TSHZ3: variants seen among roughly 807,000 people sequenced by gnomAD.
The protein encoded by TSHZ3 is teashirt zinc finger homeobox 3.
TSHZ3 carries 10 observed loss-of-function variants against 64.5 expected under a neutral mutation model. The observed-to-expected ratio is 0.16, with a 90% CI of 0.10 to 0.26. The LOEUF (loss-of-function observed/expected upper bound fraction) is 0.26, where lower values mean the gene tolerates loss of function less well. TSHZ3 is among the 10% of genes least tolerant of loss of function. The pLI is 1.00. For missense variants in TSHZ3, 1,242 were observed against 1,421.7 expected, an observed-to-expected ratio of 0.87 and a Z score of 2.03; for synonymous variants, 608 against 593.1, an observed-to-expected ratio of 1.03 and a Z score of -0.36.
Position 31,278,444 on chromosome 19 carries a change from G to A in TSHZ3, c.1349C>T (p.Thr450Ile). Reference sequence around the variant, plus strand: ...TGTATTGGAGGGGGACGTGAAGGTGGTGGCTGCCAGGGGCACGGACTGGAC... The same window carrying A: ...TGTATTGGAGGGGGACGTGAAGGTGATGGCTGCCAGGGGCACGGACTGGAC... ...EKVQSVPLAATTFTSPSNTPA... is the reference protein window; with the variant it reads ...EKVQSVPLAAITFTSPSNTPA... The change falls in exon 2 of 2, where the codon ACC becomes ATC. Residue 450 changes from threonine (T) to isoleucine (I), a missense_variant. Physicochemically the swap from Thr to Ile is moderately conservative, Grantham distance 89 (BLOSUM62 -1). Around this residue, in one of 4 missense-constraint regions of TSHZ3, gnomAD observed 555 missense variants for 704.0 expected, o/e 0.79. Coordinates refer to ENST00000240587, the MANE Select transcript of TSHZ3 (RefSeq NM_020856.4). The surrounding 1 kb of genome is among the most constrained non-coding windows in gnomAD (Gnocchi z 4.7). The A allele has an allele frequency of 6.2e-7, 1 of 1,614,180 alleles. No homozygotes were observed. The highest frequency in any genetic ancestry group is 1.1e-5 in the South Asian group (1 of 91,084).
chr19:31,183,058 T>C (rs992056169), intron 5 of TSHZ3, among the ~76,000 whole-genome samples: 1 of 152,168 alleles, frequency 6.6e-6, no homozygotes, highest in South Asian at 2.1e-4. Flanking sequence ...ATTCTGCTAG[T>C]AGATTGCCTT....
intron 1 of TSHZ3, among the ~76,000 whole-genome samples, chr19:31,324,828 T>TG (rs1916885400): frequency 6.6e-6 from 1 of 152,112 alleles, no homozygotes; most frequent in Non-Finnish European, 1.5e-5. Flanking sequence ...ACAGTGATTT[T>TG]TTTTTTATTT....
intron 1 of TSHZ3, 45 bp downstream of exon 1, chr19:31,349,135 A>G: frequency 2.0e-6 from 3 of 1,532,850 alleles, no homozygotes; most frequent in Non-Finnish European, 2.6e-6. Flanking sequence ...GGGCGAGCGG[A>G]GGAAGAGGAG....
intron 4 of TSHZ3, among the ~76,000 whole-genome samples, chr19:31,225,963 C>A (rs1381092477): frequency 6.6e-6 from 1 of 151,946 alleles, no homozygotes; most frequent in East Asian, 1.9e-4. Flanking sequence ...CCTGCCTTTA[C>A]TAAAAATACA....
At chr19:31,173,412 TAGTGTTTAACTC>T (rs1974563885) in intron 5 of TSHZ3, among the ~76,000 whole-genome samples, 1 of 152,184 alleles carries the variant, frequency 6.6e-6, no homozygotes, top group African/African-American at 2.4e-5. Flanking sequence ...TGCTTACCTA[TAGTGTTTAACTC>T]AGTACAAAAG....
At chr19:31,343,225 A>C (rs1465465034) in intron 1 of TSHZ3, among the ~76,000 whole-genome samples, 1 of 152,242 alleles carries the variant, frequency 6.6e-6, no homozygotes, top group Admixed American at 6.5e-5. Context: ...GACAGTATGA[A>C]TTAATAATTT....
chr19:31,348,020 A>G (rs1362872984), intron 1 of TSHZ3, among the ~76,000 whole-genome samples: 6 of 152,178 alleles, frequency 3.9e-5, no homozygotes, highest in Non-Finnish European at 8.8e-5. Context: ...AAAAGAAAGG[A>G]AGAGAAAAGA....
At position 31,188,821 on chromosome 19, in the gene TSHZ3, T is replaced by C. The variant is rs532165536; in HGVS notation, n.809+16135A>G. Among the ~76,000 whole-genome samples the C allele has an allele frequency of 7.9e-5, 12 of 152,076 alleles. No homozygotes were observed. The South Asian group carries it at 2.3e-3, about 29-fold the overall frequency. ...TAGGTTCATCAAAACAGGGGTGATG[T>C]GTTCCTTTCTTCTCTATTTTCTGAA... is the stretch of plus-strand genomic sequence containing the variant. On this transcript the variant is annotated intron_variant and non_coding_transcript_variant, in intron 5 of 6. Coordinates refer to the TSHZ3 transcript ENST00000651361.
chr19:31,319,142 A>G (rs886730353), intron 1 of TSHZ3, among the ~76,000 whole-genome samples: 14 of 152,324 alleles, frequency 9.2e-5, no homozygotes, highest in African/African-American at 3.1e-4. Context: ...TCATTCCCCT[A>G]TAGAGAAAAA....
At chr19:31,306,465 G>A (rs1352486690) in intron 1 of TSHZ3, among the ~76,000 whole-genome samples, 1 of 152,180 alleles carries the variant, frequency 6.6e-6, no homozygotes, top group Non-Finnish European at 1.5e-5. Context: ...ACTTTTAAGA[G>A]CCAAGCAAAG....
chr19:31,265,417 A>AAAAAG (rs1555731223), intron 1 of TSHZ3, among the ~76,000 whole-genome samples: 3 of 147,428 alleles, frequency 2.0e-5, no homozygotes, highest in Admixed American at 6.7e-5. Flanking sequence ...AAAAAAAAAA[A>AAAAAG]AAAGAAAGAA....
chr19:31,226,700 C>A (rs182545688), intron 4 of TSHZ3, among the ~76,000 whole-genome samples: 15 of 152,204 alleles, frequency 9.9e-5, no homozygotes, highest in East Asian at 1.9e-4. Flanking sequence ...TACTTGAACA[C>A]CCTGTGTTCA....
chr19:31,272,754 T>C (rs1976160008), downstream of TSHZ3, among the ~76,000 whole-genome samples: 1 of 152,210 alleles, frequency 6.6e-6, no homozygotes, highest in Non-Finnish European at 1.5e-5. Flanking sequence ...ATTGCACATT[T>C]ATCACAAATG....
At chr19:31,217,034 G>A (rs1698122601) in intron 4 of TSHZ3, among the ~76,000 whole-genome samples, 1 of 151,012 alleles carries the variant, frequency 6.6e-6, no homozygotes, top group African/African-American at 2.4e-5. Flanking sequence ...CCTGACCTCA[G>A]GTGATCCACC....
intron 1 of TSHZ3, among the ~76,000 whole-genome samples, chr19:31,319,193 T>C (rs544514422): frequency 6.6e-6 from 1 of 152,270 alleles, no homozygotes; most frequent in East Asian, 1.9e-4. Context: ...ACCTCACAAC[T>C]TAGCAACACT....
chr19:31,157,518 A>G (rs530737534), intron 5 of TSHZ3, among the ~76,000 whole-genome samples: 1 of 152,350 alleles, frequency 6.6e-6, no homozygotes, highest in East Asian at 1.9e-4. Context: ...AGCCCATTAC[A>G]GAATAACTGT....
Position 31,202,286 on chromosome 19 carries a change from C to T in TSHZ3, n.809+2670G>A, listed in dbSNP as rs145189793. Among the ~76,000 whole-genome samples the T allele has an allele frequency of 5.3e-5, 8 of 152,124 alleles. No individual in the cohort carries two copies. In the East Asian group the frequency reaches 1.5e-3, roughly 29 times the overall value. Reference sequence around the variant, plus strand: ...AATTTAGAAATCACTAATGACAACACCAAAGCATATAAAATTGTAATTTCC... The same window carrying T: ...AATTTAGAAATCACTAATGACAACATCAAAGCATATAAAATTGTAATTTCC... On this transcript the variant is annotated intron_variant and non_coding_transcript_variant, in intron 5 of 6. Coordinates refer to the TSHZ3 transcript ENST00000651361.
chr19:31,262,820 T>C (rs904741815), intron 1 of TSHZ3, among the ~76,000 whole-genome samples: 5 of 152,190 alleles, frequency 3.3e-5, no homozygotes, highest in African/African-American at 1.2e-4. Context: ...GGAAGGCACA[T>C]TCCAACCCCT....
chr19:31,245,685 G>A (rs1202044915), intron 1 of TSHZ3, among the ~76,000 whole-genome samples: 1 of 152,122 alleles, frequency 6.6e-6, no homozygotes, highest in African/African-American at 2.4e-5. Flanking sequence ...GCCTTGCAGA[G>A]GATTACATGG....
Sources: gnomAD v4.1 joint callset for allele counts (sites outside exome capture counted in the v4.1 genomes callset) on GRCh38, gnomAD v4.1.1 for gene constraint, gnomAD v4.1.1 regional missense constraint, Gnocchi (gnomAD v3.1) non-coding constraint, MANE v1.5 for transcripts, NCBI Gene and HGNC (gene_info 2026-07-23, HGNC 2026-07-21) for gene names.